FARP2: variants seen among roughly 807,000 people sequenced by gnomAD.
The protein encoded by FARP2 is FERM, ARHGEF and pleckstrin domain-containing protein 2.
FARP2 carries 111 observed loss-of-function variants against 130.5 expected under a neutral mutation model. The ratio of observed to expected loss-of-function variants is 0.85; its 90% CI spans 0.73 to 1.00. FARP2 has a LOEUF of 1.00. Ranked by LOEUF, FARP2 falls within the 50% of genes least tolerant of loss-of-function variation. The probability of loss-of-function intolerance (pLI) is 0.00; values close to 1 mark genes in which losing one functional copy is unlikely to be tolerated. For missense variants in FARP2, 1,385 were observed against 1,346.3 expected, an observed-to-expected ratio of 1.03 and a Z score of -0.45; for synonymous variants, 504 against 516.9, an observed-to-expected ratio of 0.98 and a Z score of 0.34.
Position 241,475,853 on chromosome 2 carries a change from A to G in FARP2, c.2132-4A>G. 1 of 1,610,962 alleles carries G rather than the reference A, an allele frequency of 6.2e-7. No individual in the cohort carries two copies. The highest frequency in any genetic ancestry group is 8.5e-7 in the Non-Finnish European group (1 of 1,178,434). On this transcript the variant is annotated splice_polypyrimidine_tract_variant and splice_region_variant and intron_variant, in intron 18 of 26. Coordinates refer to ENST00000264042, the MANE Select transcript of FARP2 (RefSeq NM_014808.4). The surrounding 1 kb of genome is among the most constrained non-coding windows in gnomAD (Gnocchi z 4.4). ...CACCTGTACTGAGGGGTCTCTCCAC[A>G]CAGACGCCCTGAAAGCCATCACAGA...
chr2:241,468,117 G>A, intron 17 of FARP2, 23 bp from the exon 18 acceptor site: 16 of 1,487,342 alleles, frequency 1.1e-5, no homozygotes, highest in Non-Finnish European at 1.4e-5. Flanking sequence ...TCACCTAAAG[G>A]CCCCACTCTT....
intron 8 of FARP2, among the ~76,000 whole-genome samples, chr2:241,421,093 C>T (rs889051481): frequency 6.6e-6 from 1 of 152,148 alleles, no homozygotes; most frequent in Non-Finnish European, 1.5e-5. Flanking sequence ...AACCCCCATC[C>T]CCAGCCAAGA....
At chr2:241,414,382 C>G (rs2062608779) in intron 7 of FARP2, among the ~76,000 whole-genome samples, 1 of 152,190 alleles carries the variant, frequency 6.6e-6, no homozygotes, top group African/African-American at 2.4e-5. Context: ...GTCAGGAGGA[C>G]TTAGCCTTGC....
At chr2:241,487,050 C>T (rs575517480) in intron 21 of FARP2, among the ~76,000 whole-genome samples, 5 of 152,348 alleles carry the variant, frequency 3.3e-5, no homozygotes, top group African/African-American at 1.2e-4. Context: ...AATCACTCAG[C>T]GTGCTGGTCA....
At chr2:241,428,234 C>CTTTTT (rs11397989) in intron 8 of FARP2, among the ~76,000 whole-genome samples, 1 of 124,972 alleles carries the variant, frequency 8.0e-6, no homozygotes, top group Non-Finnish European at 1.6e-5. Context: ...CAATATTTTA[C>CTTTTT]TTTTTTTTTT....
At chr2:241,479,204 G>A (rs1412379506) in intron 19 of FARP2, among the ~76,000 whole-genome samples, 4 of 152,168 alleles carry the variant, frequency 2.6e-5, no homozygotes, top group African/African-American at 9.7e-5. Flanking sequence ...GGAGCATTCT[G>A]GCCAGGTGGG....
intron 13 of FARP2, chr2:241,444,934 T>C (rs956883949): frequency 6.6e-6 from 1 of 152,130 alleles, no homozygotes. Context: ...AGTATTTTAT[T>C]ATTACTGTTT....
At chr2:241,414,773 C>T (rs923540746) in intron 7 of FARP2, among the ~76,000 whole-genome samples, 2 of 152,180 alleles carry the variant, frequency 1.3e-5, no homozygotes, top group African/African-American at 2.4e-5. Flanking sequence ...ATAGCTCATA[C>T]GCTGTGAGCT....
chr2:241,407,094 C>A (rs1274222379), intron 4 of FARP2, among the ~76,000 whole-genome samples: 5 of 152,254 alleles, frequency 3.3e-5, no homozygotes, highest in Non-Finnish European at 7.3e-5. Flanking sequence ...AGGCGTGAGC[C>A]ACCGCGCCCA....
intron 8 of FARP2, among the ~76,000 whole-genome samples, chr2:241,422,499 C>A (rs2062837100): frequency 6.6e-6 from 1 of 151,866 alleles, no homozygotes; most frequent in South Asian, 2.1e-4. Flanking sequence ...TTTGATAAAC[C>A]CACAGAGATG....
chr2:241,365,817 T>C (rs2061290808), intron 1 of FARP2, among the ~76,000 whole-genome samples: 1 of 152,036 alleles, frequency 6.6e-6, no homozygotes, highest in South Asian at 2.1e-4. Flanking sequence ...CTTGCTTTTC[T>C]AAAATATTGA....
intron 8 of FARP2, among the ~76,000 whole-genome samples, chr2:241,421,851 T>TA (rs2062817030): frequency 6.6e-6 from 1 of 152,080 alleles, no homozygotes. Context: ...GCAGCAGCCC[T>TA]AAAAACAACA....
intron 20 of FARP2, 55 bp from the exon 21 acceptor site, chr2:241,484,187 A>G: frequency 9.3e-6 from 15 of 1,609,330 alleles, no homozygotes; most frequent in Non-Finnish European, 1.3e-5. Context: ...AGTTGGTCTG[A>G]CTATTAAGAC....
intron 7 of FARP2, among the ~76,000 whole-genome samples, chr2:241,415,126 T>C (rs2062632044): frequency 6.6e-6 from 1 of 152,188 alleles, no homozygotes; most frequent in African/African-American, 2.4e-5. Flanking sequence ...GTGTGGGGCA[T>C]CTTGTGTGTG....
At chr2:241,414,401 C>G (rs921850665) in intron 7 of FARP2, among the ~76,000 whole-genome samples, 9 of 152,170 alleles carry the variant, frequency 5.9e-5, no homozygotes, top group Non-Finnish European at 1.2e-4. Context: ...GCCTTTGTGA[C>G]ACATCCTGTT....
chr2:241,419,622 CAG>C (rs1402185159), intron 8 of FARP2, among the ~76,000 whole-genome samples: 1 of 152,098 alleles, frequency 6.6e-6, no homozygotes, highest in Non-Finnish European at 1.5e-5. Context: ...GGAAATGAAA[CAG>C]GGAGTGGGAC....
rs1413560561 is a variant in FARP2, at chr2:241,436,509, C to T, written c.1129C>T (p.Arg377Ter). 2.8e-5 allele frequency: 45 copies of T among 1,614,088 alleles called. No individual in the cohort carries two copies. Among genetic ancestry groups the T allele is most frequent in the African/African-American group, 4.0e-5 (3 of 74,928 alleles). Residue 377 changes from arginine to a stop codon, truncating the protein, a stop_gained, in exon 12 of 27, where the codon CGA becomes TGA. Coordinates refer to ENST00000264042, the MANE Select transcript of FARP2 (RefSeq NM_014808.4). LOFTEE classifies it high-confidence loss of function. ...GCACAGCAAGACCCACACGTCCGTT[C>T]GAGCTCTGACTGCAGACCTACCAAA... Reference protein sequence around the residue: ...RRHSKTHTSVRALTADLPKQS... With the variant: ...RRHSKTHTSV
intron 2 of FARP2, among the ~76,000 whole-genome samples, chr2:241,403,117 A>T (rs1342862717): frequency 6.7e-6 from 1 of 148,956 alleles, no homozygotes; most frequent in African/African-American, 2.5e-5. Flanking sequence ...ACCAAATAAT[A>T]TTTTTTTTCT....
At chr2:241,427,933 A>G (rs927228387) in intron 8 of FARP2, among the ~76,000 whole-genome samples, 3 of 151,792 alleles carry the variant, frequency 2.0e-5, no homozygotes, top group African/African-American at 7.3e-5. Flanking sequence ...CGTCTGGCTA[A>G]TTTTTTGTAT....
Sources: gnomAD v4.1 joint callset for allele counts (sites outside exome capture counted in the v4.1 genomes callset) on GRCh38, gnomAD v4.1.1 for gene constraint, Gnocchi (gnomAD v3.1) non-coding constraint, MANE v1.5 for transcripts, NCBI Gene and HGNC (gene_info 2026-07-23, HGNC 2026-07-21) for gene names.